Variants in DNMBP observed in about 807,000 individuals in gnomAD.
The protein encoded by DNMBP is dynamin binding protein, also known as dynamin-binding protein.
DNMBP carries 87 observed loss-of-function variants against 150.0 expected under a neutral mutation model. The ratio of observed to expected loss-of-function variants is 0.58; its 90% CI spans 0.49 to 0.69. DNMBP has a LOEUF of 0.69. DNMBP is among the 30% of genes least tolerant of loss of function. The probability of loss-of-function intolerance (pLI) is 0.00; values close to 1 mark genes in which losing one functional copy is unlikely to be tolerated. For synonymous variants in DNMBP, 711 were observed against 750.4 expected, an observed-to-expected ratio of 0.95 and a Z score of 0.86; for missense variants, 1,774 against 1,949.0, an observed-to-expected ratio of 0.91 and a Z score of 1.69.
At chr10:99,899,892 TG>T (rs2039713915) in intron 7 of DNMBP, 26 bp downstream of exon 7, 1 of 1,613,732 alleles carries the variant, frequency 6.2e-7, no homozygotes, top group Non-Finnish European at 8.5e-7. Context: ...AGAGCTGTAA[TG>T]GAAGTTAAGT....
intron 1 of DNMBP, among the ~76,000 whole-genome samples, chr10:99,976,697 C>T (rs998888859): frequency 1.3e-5 from 2 of 152,014 alleles, no homozygotes; most frequent in African/African-American, 4.8e-5. Flanking sequence ...GCACTGAGGC[C>T]CCTTTCTTAC....
At chr10:99,964,596 C>T (rs1337809522) in intron 3 of DNMBP, among the ~76,000 whole-genome samples, 2 of 150,560 alleles carry the variant, frequency 1.3e-5, no homozygotes, top group Admixed American at 6.6e-5. Context: ...CGAGGCCAGG[C>T]GTGGTGGCTC....
intron 1 of DNMBP, among the ~76,000 whole-genome samples, chr10:99,985,901 C>G (rs886382272): frequency 6.6e-6 from 1 of 152,138 alleles, no homozygotes; most frequent in South Asian, 2.1e-4. Flanking sequence ...CAGGCATGCA[C>G]CACTATGCCT....
At chr10:99,941,369 A>C (rs1484591289) in intron 4 of DNMBP, among the ~76,000 whole-genome samples, 1 of 152,216 alleles carries the variant, frequency 6.6e-6, no homozygotes, top group Non-Finnish European at 1.5e-5. Flanking sequence ...GAATTCAAGA[A>C]GTATTGATAT....
chr10:99,955,675 T>C lies in DNMBP; in HGVS notation c.1799A>G (p.Glu600Gly). 2 of 1,614,220 alleles carry C rather than the reference T, an allele frequency of 1.2e-6. No homozygotes were observed. The highest frequency in any genetic ancestry group is 1.1e-5 in the South Asian group (1 of 91,080). ...TAGGGCCTTTCTCCTTTCCGGCAGC[T>C]CCTGCTCGGTGATTAACTTTGAGGA... ...RGSSKLITEQ[E>G]LPERRKALRP... The change falls in exon 4 of 17, where the codon GAG becomes GGG. Residue 600 changes from glutamate (E) to glycine (G), a missense_variant. Around this residue, in one of 2 missense-constraint regions of DNMBP, gnomAD observed 1,430 missense variants for 1,492.5 expected, o/e 0.96. Coordinates refer to ENST00000324109, the MANE Select transcript of DNMBP (RefSeq NM_015221.4).
At chr10:99,914,566 T>C (rs1254970686) in intron 4 of DNMBP, among the ~76,000 whole-genome samples, 1 of 152,132 alleles carries the variant, frequency 6.6e-6, no homozygotes, top group African/African-American at 2.4e-5. Context: ...AGATTTCAGC[T>C]GGGTAGTCCC....
intron 6 of DNMBP, among the ~76,000 whole-genome samples, chr10:99,902,303 C>CTTTTTTTTTTTTTT (rs34120125): frequency 1.2e-5 from 1 of 82,790 alleles, no homozygotes; most frequent in Non-Finnish European, 2.3e-5. Flanking sequence ...AGCCTCCCTT[C>CTTTTTTTTTTTTTT]TTTTTTTTTT....
intron 1 of DNMBP, among the ~76,000 whole-genome samples, chr10:100,005,245 T>C (rs1372591033): frequency 6.6e-6 from 1 of 152,096 alleles, no homozygotes; most frequent in Non-Finnish European, 1.5e-5. Context: ...ATCCAGCAAT[T>C]CCACAGAAAT....
intron 3 of DNMBP, among the ~76,000 whole-genome samples, chr10:99,967,190 G>A (rs1314111951): frequency 6.6e-6 from 1 of 152,038 alleles, no homozygotes; most frequent in Non-Finnish European, 1.5e-5. Flanking sequence ...CTTGAGGCTA[G>A]GAGTTTCAGA....
At chr10:99,911,307 G>A (rs1171555176) in intron 4 of DNMBP, among the ~76,000 whole-genome samples, 3 of 151,948 alleles carry the variant, frequency 2.0e-5, no homozygotes, top group Admixed American at 6.6e-5. Context: ...GATCACCTGA[G>A]GTCAGAAGTT....
intron 1 of DNMBP, among the ~76,000 whole-genome samples, chr10:99,973,692 T>C (rs1002519809): frequency 2.6e-5 from 4 of 152,118 alleles, no homozygotes; most frequent in Admixed American, 6.5e-5. Flanking sequence ...ATGGAAAACC[T>C]GTTGGGGACT....
intron 4 of DNMBP, chr10:99,913,999 T>A: frequency 6.6e-7 from 1 of 1,504,380 alleles, no homozygotes; most frequent in Non-Finnish European, 8.9e-7. Context: ...GGCCTGAGGG[T>A]AAGCAGGCGG....
chr10:99,949,733 T>C (rs1180652751), intron 4 of DNMBP, among the ~76,000 whole-genome samples: 1 of 152,118 alleles, frequency 6.6e-6, no homozygotes, highest in Non-Finnish European at 1.5e-5. Context: ...TAAACAGCAA[T>C]TTTTTTAAAA....
chr10:99,921,166 G>C (rs953973444), intron 4 of DNMBP, among the ~76,000 whole-genome samples: 1 of 152,202 alleles, frequency 6.6e-6, no homozygotes, highest in African/African-American at 2.4e-5. Context: ...TAACAACAAA[G>C]TTTAATGGTC....
At chr10:99,962,672 C>G (rs1021643893) in intron 3 of DNMBP, among the ~76,000 whole-genome samples, 2 of 152,110 alleles carry the variant, frequency 1.3e-5, no homozygotes, top group Admixed American at 1.3e-4. Flanking sequence ...ATTTTTCCCC[C>G]TCTGGCCCTA....
At chr10:99,968,042 C>T (rs1056197286) in intron 3 of DNMBP, among the ~76,000 whole-genome samples, 4 of 152,128 alleles carry the variant, frequency 2.6e-5, no homozygotes, top group African/African-American at 4.8e-5. Flanking sequence ...GACAGGGTCT[C>T]GCTCTGTCAC....
intron 4 of DNMBP, among the ~76,000 whole-genome samples, chr10:99,929,379 G>A (rs1156634710): frequency 6.6e-6 from 1 of 152,128 alleles, no homozygotes; most frequent in African/African-American, 2.4e-5. Flanking sequence ...AAGTTCCCAT[G>A]AGAGCGCTAT....
intron 4 of DNMBP, among the ~76,000 whole-genome samples, chr10:99,926,422 A>T (rs546840642): frequency 5.9e-5 from 9 of 152,222 alleles, no homozygotes; most frequent in East Asian, 5.8e-4. Context: ...CAGATATTTT[A>T]AAAAATAACT....
intron 4 of DNMBP, among the ~76,000 whole-genome samples, chr10:99,915,051 A>AG (rs2133256516): frequency 6.8e-6 from 1 of 146,068 alleles, no homozygotes; most frequent in East Asian, 2.0e-4. Context: ...CCGAGATCGT[A>AG]CCATTGCACT....
Sources: gnomAD v4.1 joint callset for allele counts (sites outside exome capture counted in the v4.1 genomes callset) on GRCh38, gnomAD v4.1.1 for gene constraint, gnomAD v4.1.1 regional missense constraint, MANE v1.5 for transcripts, NCBI Gene and HGNC (gene_info 2026-07-23, HGNC 2026-07-21) for gene names.